Variants in ATP9B observed in about 807,000 individuals in gnomAD.
ATP9B encodes ATPase phospholipid transporting 9B.
In ATP9B, 110 loss-of-function variants were observed where a neutral mutation model predicts 146.1. The ratio of observed to expected loss-of-function variants is 0.75; its 90% CI spans 0.65 to 0.88. The LOEUF is 0.88. Ranked by LOEUF, ATP9B falls within the 40% of genes least tolerant of loss-of-function variation. The probability of loss-of-function intolerance (pLI) is 0.00; values close to 1 mark genes in which losing one functional copy is unlikely to be tolerated. For synonymous variants in ATP9B, 604 were observed against 569.7 expected (o/e 1.06, Z -0.86); for missense variants, 1,499 against 1,496.4 (o/e 1.00, Z -0.03).
chr18:79,120,151 A>T (rs997189020), intron 4 of ATP9B, among the ~76,000 whole-genome samples: 15 of 152,128 alleles, frequency 9.9e-5, no homozygotes, highest in Non-Finnish European at 1.8e-4. Context: ...ACCCCATTAT[A>T]TCCAGTGCCA....
At chr18:79,102,683 TG>T (rs1169960290) in intron 2 of ATP9B, among the ~76,000 whole-genome samples, 1 of 152,230 alleles carries the variant, frequency 6.6e-6, no homozygotes, top group East Asian at 1.9e-4. Context: ...ACTAGGATTT[TG>T]ATAGGACTTG....
At chr18:79,361,278 T>C (rs2096986681) in intron 26 of ATP9B, 1 of 152,196 alleles carries the variant, frequency 6.6e-6, no homozygotes, top group Non-Finnish European at 1.5e-5. Context: ...GTCTCTTTCT[T>C]TGTGGATATC....
chr18:79,244,876 C>G (rs941771410), intron 11 of ATP9B, among the ~76,000 whole-genome samples: 1 of 152,162 alleles, frequency 6.6e-6, no homozygotes, highest in African/African-American at 2.4e-5. Flanking sequence ...CCTTTCTTAC[C>G]ATGTCTCTTA....
At chr18:79,374,639 C>T (rs2097093187) in intron 28 of ATP9B, among the ~76,000 whole-genome samples, 1 of 152,280 alleles carries the variant, frequency 6.6e-6, no homozygotes, top group African/African-American at 2.4e-5. Context: ...AACACAGCCG[C>T]GTGTGCACTT....
At chr18:79,350,296 T>G (rs1431137323) in intron 25 of ATP9B, among the ~76,000 whole-genome samples, 2 of 152,254 alleles carry the variant, frequency 1.3e-5, no homozygotes, top group African/African-American at 4.8e-5. Flanking sequence ...GTCTTCAGGC[T>G]TCTCTCACCC....
chr18:79,229,159 AATACTG>A (rs2095764707), intron 11 of ATP9B, among the ~76,000 whole-genome samples: 2 of 152,200 alleles, frequency 1.3e-5, no homozygotes, highest in Admixed American at 6.5e-5. Flanking sequence ...TTTTTAGTAC[AATACTG>A]TTGATAACTC....
rs751749460 is a variant in ATP9B, at chr18:79,342,314, C to G, written c.2330C>G (p.Ala777Gly). ...AAACTCGAGACAGCTACCTGCATTG[C>G]CAAAAGTTCACATCTCGTGTCTAGA... Reference protein sequence around the residue: ...GDKLETATCIAKSSHLVSRTQ... With the variant: ...GDKLETATCIGKSSHLVSRTQ... The change falls in exon 20 of 30, where the codon GCC becomes GGC. Residue 777 changes from alanine to glycine, a missense_variant. Coordinates refer to ENST00000426216, the MANE Select transcript of ATP9B (RefSeq NM_198531.5). 1 of 1,613,670 alleles carries G rather than the reference C, an allele frequency of 6.2e-7. No individual in the cohort carries two copies. The highest frequency in any genetic ancestry group is 8.5e-7 in the Non-Finnish European group (1 of 1,179,768).
At chr18:79,171,561 C>T (rs964890152) in intron 7 of ATP9B, among the ~76,000 whole-genome samples, 1 of 152,108 alleles carries the variant, frequency 6.6e-6, no homozygotes, top group African/African-American at 2.4e-5. Flanking sequence ...GTCCCTTCAC[C>T]GAGATTCCTT....
chr18:79,347,851 C>A lies in ATP9B; in HGVS notation c.2764C>A (p.Arg922=), dbSNP rs141264681. Residue 922 remains arginine, a synonymous_variant, in exon 24 of 30, where the codon CGG becomes AGG. Transcript: ENST00000426216. ...AGGCAGGCTGCTCATGGTGCACGGG[C>A]GGAACAGCTACAAGAGGTCGGCGGC... ...HIGRLLMVHG[R]NSYKRSAALG... The A allele has an allele frequency of 1.5e-4, 237 of 1,613,886 alleles. No individual in the cohort carries two copies. The African/African-American group carries it at 2.8e-3, about 19-fold the overall frequency.
At chr18:79,370,500 T>C (rs1220323528) in intron 26 of ATP9B, among the ~76,000 whole-genome samples, 2 of 152,198 alleles carry the variant, frequency 1.3e-5, no homozygotes, top group Admixed American at 6.5e-5. Context: ...AGTGGCTTCT[T>C]CCATAACATG....
At chr18:79,217,419 C>T (rs1450538936) in intron 11 of ATP9B, among the ~76,000 whole-genome samples, 2 of 152,174 alleles carry the variant, frequency 1.3e-5, no homozygotes, top group Non-Finnish European at 2.9e-5. Context: ...CTCCTGACCT[C>T]GTGATCCGCC....
chr18:79,343,968 A>T (rs1286830782), intron 20 of ATP9B: 4 of 471,690 alleles, frequency 8.5e-6, no homozygotes, highest in African/African-American at 7.9e-5. Flanking sequence ...ACTCATAGGC[A>T]CCCTTTACAC....
chr18:79,344,105 TGGAAA>T (rs2147444732), intron 20 of ATP9B, 155 bp from the exon 21 acceptor site: 1 of 675,180 alleles, frequency 1.5e-6, no homozygotes, highest in East Asian at 2.7e-5. Context: ...CTGGAGGAAT[TGGAAA>T]GGACCTTCTT....
At chr18:79,154,172 A>G (rs1223894873) in intron 6 of ATP9B, among the ~76,000 whole-genome samples, 1 of 151,590 alleles carries the variant, frequency 6.6e-6, no homozygotes, top group Non-Finnish European at 1.5e-5. Context: ...CATGTCAGCC[A>G]GAATGGTCTC....
chr18:79,176,436 C>G (rs140186498), intron 7 of ATP9B, among the ~76,000 whole-genome samples: 1 of 152,218 alleles, frequency 6.6e-6, no homozygotes, highest in Non-Finnish European at 1.5e-5. Context: ...CAAAATAATA[C>G]TATACACTGT....
intron 1 of ATP9B, among the ~76,000 whole-genome samples, chr18:79,072,975 C>T (rs1164266751): frequency 6.6e-6 from 1 of 151,846 alleles, no homozygotes; most frequent in African/African-American, 2.4e-5. Context: ...CAGAGACGCT[C>T]CTCACTTCCT....
chr18:79,138,381 C>T (rs1004961755), intron 5 of ATP9B, among the ~76,000 whole-genome samples: 4 of 152,144 alleles, frequency 2.6e-5, no homozygotes, highest in African/African-American at 7.2e-5. Flanking sequence ...ACATTTCACA[C>T]ACCTTTGCAA....
rs543089155 is a variant in ATP9B, at chr18:79,093,512, A to G, written c.120-2964A>G. On this transcript the variant is annotated intron_variant, in intron 1 of 29. Transcript: ENST00000426216. ...GCTTCTAGTAGTTTGATTATGATGT[A>G]TCTTTATGTAGGTATCTTTGACTTC... Among the ~76,000 whole-genome samples the G allele has an allele frequency of 1.4e-4, 22 of 152,224 alleles. No individual in the cohort carries two copies. The South Asian group carries it at 4.4e-3, about 30-fold the overall frequency.
chr18:79,251,837 G>A lies in ATP9B; in HGVS notation c.1108-1544G>A, dbSNP rs115946646. Among the ~76,000 whole-genome samples, 740 of 152,280 alleles carry A rather than the reference G, an allele frequency of 4.9e-3. 8 individuals carry two copies. Among genetic ancestry groups the A allele is most frequent in the African/African-American group, 0.017 (709 of 41,562 alleles). On this transcript the variant is annotated intron_variant, in intron 11 of 29. Transcript: ENST00000426216. The stretch of plus-strand genomic sequence containing the variant: ...ATTTTTTTTAATCAGGTTTTTTGCA[G>A]TCATGTTTTCTTTGTGTACTCCTTT...
Sources: gnomAD v4.1 joint callset for allele counts (sites outside exome capture counted in the v4.1 genomes callset) on GRCh38, gnomAD v4.1.1 for gene constraint, MANE v1.5 for transcripts, NCBI Gene and HGNC (gene_info 2026-07-23, HGNC 2026-07-21) for gene names.